Variants in FRK observed in about 807,000 individuals in gnomAD.
The protein encoded by FRK is tyrosine-protein kinase FRK.
Under a neutral mutation model 56.4 loss-of-function variants are expected in FRK, and 51 were observed. The ratio of observed to expected loss-of-function variants is 0.90; its 90% CI spans 0.72 to 1.14. The LOEUF (loss-of-function observed/expected upper bound fraction) is 1.14, where lower values mean the gene tolerates loss of function less well. Among genes scored for constraint, FRK ranks in the 50% most tolerant of loss-of-function variants. The probability of loss-of-function intolerance (pLI) is 0.00; values close to 1 mark genes in which losing one functional copy is unlikely to be tolerated. For synonymous variants in FRK, 245 were observed against 217.9 expected (o/e 1.12, Z -1.10); for missense variants, 570 against 601.4 (o/e 0.95, Z 0.55).
At position 115,942,280 on chromosome 6, in the gene FRK, C is replaced by T; in HGVS notation, c.*134G>A. 1 of 718,642 alleles carries T rather than the reference C, an allele frequency of 1.4e-6. No homozygotes were observed. Among genetic ancestry groups the T allele is most frequent in the African/African-American group, 1.8e-5 (1 of 56,246 alleles). The allele number at this position is 718,642 out of a possible 1,614,324, so 44.5% of individuals were successfully genotyped here. ...TGCACAAATAATCTTTTTCATAATA[C>T]ATGGCCAACTTTATCCTATCACTTG... On this transcript the variant is annotated 3_prime_UTR_variant, in exon 8 of 8. Transcript: ENST00000606080.
upstream of FRK, among the ~76,000 whole-genome samples, chr6:116,062,482 AAAAG>A (rs1440806234): frequency 6.6e-6 from 1 of 151,926 alleles, no homozygotes; most frequent in African/African-American, 2.4e-5. Flanking sequence ...AAAAGAAAAG[AAAAG>A]AAAGAAAGAT....
intron 5 of FRK, among the ~76,000 whole-genome samples, chr6:115,950,804 T>C (rs561619711): frequency 6.6e-6 from 1 of 152,102 alleles, no homozygotes; most frequent in Non-Finnish European, 1.5e-5. Flanking sequence ...ATAAAGAAAA[T>C]GTGGCACATA....
intron 5 of FRK, 30 bp from the exon 6 acceptor site, chr6:115,944,455 A>T (rs777703332): frequency 1.1e-5 from 17 of 1,531,124 alleles, no homozygotes; most frequent in Non-Finnish European, 1.5e-5. Flanking sequence ...TAAGAAAGTT[A>T]CCTTAGAGAA....
intron 2 of FRK, among the ~76,000 whole-genome samples, chr6:115,979,610 T>C (rs143185715): frequency 6.6e-6 from 1 of 152,238 alleles, no homozygotes; most frequent in East Asian, 1.9e-4. Context: ...GGCCTTCACA[T>C]TGACATCACA....
chr6:116,026,484 T>G (rs1776090759), intron 1 of FRK, among the ~76,000 whole-genome samples: 1 of 113,748 alleles, frequency 8.8e-6, no homozygotes, highest in African/African-American at 3.3e-5. Context: ...AAACATAAGT[T>G]GAACCAGGAA....
At chr6:116,096,529 A>G in the FRK span, among the ~76,000 whole-genome samples, 26,079 of 151,988 alleles carry the variant, frequency 0.17, 2,657 homozygotes, top group African/African-American at 0.28. Context: ...ACCAATCAGC[A>G]CTCTGTGTCT....
chr6:116,087,011 T>C, the FRK span, among the ~76,000 whole-genome samples: 1 of 152,220 alleles, frequency 6.6e-6, no homozygotes, highest in Non-Finnish European at 1.5e-5. Context: ...GTGGGAGATA[T>C]CCTGCATGGG....
the FRK span, among the ~76,000 whole-genome samples, chr6:116,092,717 G>A: frequency 1.8e-4 from 27 of 152,316 alleles, no homozygotes; most frequent in South Asian, 2.5e-3. Flanking sequence ...CTGCTGCTGC[G>A]TCGGTGAGTG....
rs900633296 is a variant in FRK, at chr6:115,931,312, A to G, written c.*11102T>C. The G allele has an allele frequency of 2.6e-5, 4 of 152,224 alleles. No homozygotes were observed. Among genetic ancestry groups the G allele is most frequent in the Non-Finnish European group, 4.4e-5 (3 of 68,028 alleles). The allele number at this position is 152,224 out of a possible 1,614,324, so 9.4% of individuals were successfully genotyped here. A position where few individuals can be genotyped will look rare whatever the true frequency, so the allele number is the denominator to read the frequency against. ...ACATAGGGCAAAATATAATTTCAAG[A>G]AAAACCATTGCCTTAATATTTTAAA... On this transcript the variant is annotated 3_prime_UTR_variant, in exon 8 of 8. Transcript: ENST00000606080.
At chr6:116,048,067 T>C (rs1339795818) in intron 1 of FRK, among the ~76,000 whole-genome samples, 3 of 152,222 alleles carry the variant, frequency 2.0e-5, no homozygotes, top group Non-Finnish European at 4.4e-5. Context: ...TAGACTCTCA[T>C]TGTTTGATTC....
chr6:116,061,166 A>C (rs575135641), upstream of FRK, among the ~76,000 whole-genome samples: 1 of 152,252 alleles, frequency 6.6e-6, no homozygotes, highest in Admixed American at 6.5e-5. Flanking sequence ...CCACTAGGGG[A>C]AATTTAAAAA....
rs1465526459 is a variant in FRK at position 115,932,761 on chromosome 6, C to G, written c.*9653G>C. 2.0e-5 allele frequency: 3 copies of G among 152,198 alleles called. No homozygotes were observed. The highest frequency in any genetic ancestry group is 2.0e-4 in the Admixed American group (3 of 15,274). 9.4% of individuals were successfully genotyped at this position (152,198 alleles called of 1,614,324 possible). A position where few individuals can be genotyped will look rare whatever the true frequency, so the allele number is the denominator to read the frequency against. On this transcript the variant is annotated 3_prime_UTR_variant, in exon 8 of 8. Transcript: ENST00000606080. The stretch of plus-strand genomic sequence containing the variant: ...TGGGCTCTGCTTCCTTCAGGAAGCT[C>G]CAGCTGGGTAGTGGTATGGCATCCT...
At chr6:116,030,002 T>A (rs1776241842) in intron 1 of FRK, among the ~76,000 whole-genome samples, 1 of 152,172 alleles carries the variant, frequency 6.6e-6, no homozygotes, top group Non-Finnish European at 1.5e-5. Context: ...ACTGTATAAA[T>A]TCTTACTCTT....
At chr6:116,080,774 A>C in the FRK span, among the ~76,000 whole-genome samples, 1 of 145,220 alleles carries the variant, frequency 6.9e-6, no homozygotes, top group Non-Finnish European at 1.5e-5. Context: ...GTCATTAATA[A>C]TGAGAGAAAT....
intron 1 of FRK, among the ~76,000 whole-genome samples, chr6:116,048,343 T>A (rs1203012219): frequency 6.6e-6 from 1 of 152,210 alleles, no homozygotes. Context: ...AAAATTACCA[T>A]ATGACACATG....
intron 1 of FRK, among the ~76,000 whole-genome samples, chr6:116,050,866 G>A (rs1777153052): frequency 6.6e-6 from 1 of 152,166 alleles, no homozygotes; most frequent in Admixed American, 6.6e-5. Context: ...CCTGAATCCT[G>A]CTTCTCAAAA....
chr6:116,074,858 C>T, the FRK span, among the ~76,000 whole-genome samples: 4 of 152,166 alleles, frequency 2.6e-5, no homozygotes, highest in Non-Finnish European at 4.4e-5. Flanking sequence ...TTTTCTATGT[C>T]ATGCCTGTCC....
In FRK at chr6:116,012,978, T is replaced by A. The variant is rs190322185; in HGVS notation, c.345-8980A>T. On this transcript the variant is annotated intron_variant, in intron 1 of 7. Coordinates refer to ENST00000606080, the MANE Select transcript of FRK (RefSeq NM_002031.3). ...ATCAGGGCTGTACACATGTAAAAAA[T>A]TTGTGATAAAGTGACAATGTCAAAT... 2.7e-3 allele frequency among the ~76,000 whole-genome samples: 414 copies of A among 152,274 alleles called. 2 individuals are homozygous for A. Among genetic ancestry groups the A allele is most frequent in the African/African-American group, 9.0e-3 (374 of 41,566 alleles).
intron 1 of FRK, among the ~76,000 whole-genome samples, chr6:116,006,774 G>A (rs912978833): frequency 1.3e-5 from 2 of 152,136 alleles, no homozygotes; most frequent in Non-Finnish European, 2.9e-5. Flanking sequence ...AGTGCACTAT[G>A]ATCGCACCTG....
Sources: allele counts gnomAD v4.1 joint callset (sites outside exome capture counted in the v4.1 genomes callset), GRCh38; gene constraint gnomAD v4.1.1; transcripts MANE v1.5; gene names NCBI Gene and HGNC (gene_info 2026-07-23, HGNC 2026-07-21).